The following ODF2L variants were observed in gnomAD, a reference collection of about 807,000 sequenced individuals.
ODF2L encodes the protein protein BCAP.
ODF2L carries 76 observed loss-of-function variants against 86.3 expected under a neutral mutation model. That is an observed-to-expected ratio of 0.88 (90% CI 0.73 to 1.07). ODF2L has a LOEUF of 1.07. Ranked by LOEUF, ODF2L falls within the 50% of genes least tolerant of loss-of-function variation. The pLI is 0.00. For synonymous variants in ODF2L, 241 were observed against 231.3 expected (o/e 1.04, Z -0.38); for missense variants, 748 against 717.4 (o/e 1.04, Z -0.49).
chr1:86,373,679 C>T (rs1210617757), intron 8 of ODF2L, among the ~76,000 whole-genome samples: 1 of 151,896 alleles, frequency 6.6e-6, no homozygotes, highest in Non-Finnish European at 1.5e-5. Context: ...AGGAGAAAGC[C>T]CCTGTGATAT....
chr1:86,390,463 A>G (rs1446388593), intron 1 of ODF2L, among the ~76,000 whole-genome samples: 1 of 152,214 alleles, frequency 6.6e-6, no homozygotes, highest in Non-Finnish European at 1.5e-5. Context: ...ACCGAATTCA[A>G]CATCAAAAAG....
chr1:86,382,880 G>C lies in ODF2L; in HGVS notation c.507+51C>G, dbSNP rs771175967. The C allele has an allele frequency of 3.6e-6, 3 of 841,198 alleles. No individual in the cohort carries two copies. In the South Asian group the frequency reaches 4.4e-5, roughly 12 times the overall value. 52.1% of individuals were successfully genotyped at this position (841,198 alleles called of 1,614,324 possible). A position where few individuals can be genotyped will look rare whatever the true frequency, so the allele number is the denominator to read the frequency against. On this transcript the variant is annotated intron_variant, in intron 6 of 17. Transcript: ENST00000317336. ...TGGGGCCAGGATGGGAAAAAAAAGG[G>C]AGTCAATATTAATATAATGAATTAA... is the stretch of plus-strand genomic sequence containing the variant.
chr1:86,391,326 T>C (rs1367401057), intron 1 of ODF2L, among the ~76,000 whole-genome samples: 7 of 152,148 alleles, frequency 4.6e-5, no homozygotes, highest in Admixed American at 4.6e-4. Flanking sequence ...TTCACAGAAC[T>C]AGAAAAAACA....
At chr1:86,347,019 C>T (rs577678869), downstream of ODF2L, 28 of 152,242 alleles carry the variant, frequency 1.8e-4, no homozygotes, top group Admixed American at 1.8e-3. Context: ...TATATTATCA[C>T]AATTATTAAC....
rs148698930 is a variant in ODF2L at position 86,385,238 on chromosome 1, A to G, written c.246+220T>C. Among the ~76,000 whole-genome samples the G allele has an allele frequency of 1.7e-3, 255 of 152,118 alleles. 1 individual carries two copies. Among genetic ancestry groups the G allele is most frequent in the African/African-American group, 5.7e-3 (237 of 41,554 alleles). ...CGGGTAATTCAAACATCCAAAATAT[A>G]TTGTTTCTAGCTTAGCCTCTTATCA... On this transcript the variant is annotated intron_variant, in intron 3 of 17. Coordinates refer to ENST00000317336, the Ensembl canonical transcript of ODF2L.
chr1:86,373,884 A>G (rs1164879111), intron 8 of ODF2L, among the ~76,000 whole-genome samples: 1 of 152,124 alleles, frequency 6.6e-6, no homozygotes, highest in East Asian at 1.9e-4. Context: ...TGAGGTAGGG[A>G]TTTTTATCTG....
chr1:86,354,049 G>A (rs1355441810), intron 16 of ODF2L, among the ~76,000 whole-genome samples: 1 of 152,214 alleles, frequency 6.6e-6, no homozygotes, highest in African/African-American at 2.4e-5. Context: ...CTAAGGCCAG[G>A]TCTTATTCAT....
chr1:86,374,960 A>C (rs536479912), intron 8 of ODF2L: 8 of 152,214 alleles, frequency 5.3e-5, no homozygotes, highest in Non-Finnish European at 1.2e-4. Flanking sequence ...GCCTTCTGAG[A>C]CTTATACTCA....
chr1:86,388,955 A>G (rs1380319826), intron 1 of ODF2L, among the ~76,000 whole-genome samples: 1 of 152,136 alleles, frequency 6.6e-6, no homozygotes, highest in Non-Finnish European at 1.5e-5. Context: ...GAAGAGAACT[A>G]TTTGTCTCAG....
chr1:86,378,893 A>C (rs189642804), intron 7 of ODF2L, among the ~76,000 whole-genome samples: 2 of 151,630 alleles, frequency 1.3e-5, no homozygotes, highest in African/African-American at 4.8e-5. Flanking sequence ...TTCATGTCAA[A>C]CTGTAACCCC....
intron 2 of ODF2L, chr1:86,385,848 A>C (rs1570431836): frequency 4.2e-6 from 1 of 236,588 alleles, no homozygotes; most frequent in East Asian, 9.5e-5. Context: ...CATTTTCAAT[A>C]TTTATAAATA....
chr1:86,384,963 G>A (rs955194047), intron 3 of ODF2L, among the ~76,000 whole-genome samples, 162 bp from the exon 4 acceptor site: 8 of 151,788 alleles, frequency 5.3e-5, no homozygotes, highest in Admixed American at 3.3e-4. Flanking sequence ...AATTGGATCT[G>A]TTATACAGTA....
chr1:86,370,760 G>A (rs1299469448), intron 10 of ODF2L, among the ~76,000 whole-genome samples: 5 of 152,108 alleles, frequency 3.3e-5, no homozygotes, highest in Non-Finnish European at 7.4e-5. Context: ...ATAATCTTAT[G>A]TACTAAAGTT....
intron 7 of ODF2L, among the ~76,000 whole-genome samples, chr1:86,380,982 A>C (rs1348182602): frequency 1.3e-5 from 2 of 150,926 alleles, no homozygotes; most frequent in East Asian, 1.9e-4. Context: ...AAAACGAAAC[A>C]AAAAAAAACC....
chr1:86,367,018 C>A (rs1659488451), intron 11 of ODF2L, among the ~76,000 whole-genome samples: 1 of 151,928 alleles, frequency 6.6e-6, no homozygotes, highest in Non-Finnish European at 1.5e-5. Flanking sequence ...CTGGAAGACA[C>A]AACTAGATGT....
chr1:86,368,261 C>A (rs1659576571), intron 11 of ODF2L, among the ~76,000 whole-genome samples: 1 of 152,108 alleles, frequency 6.6e-6, no homozygotes, highest in African/African-American at 2.4e-5. Context: ...AAACTACCTT[C>A]ACTTATTTTT....
In ODF2L at chr1:86,384,790, AG is replaced by A; in HGVS notation, c.257del (p.Ser86LeufsTer3). ...GTTCAGAAATCTTCAAATTCAATGC[AG>A]AAAGATTCGCCTGACAAATTATAAG... On this transcript the variant is annotated frameshift_variant, in exon 4 of 18. Coordinates refer to ENST00000317336, the Ensembl canonical transcript of ODF2L. LOFTEE classifies it high-confidence loss of function. The A allele has an allele frequency of 6.6e-7, 1 of 1,513,332 alleles. No homozygotes were observed. The highest frequency in any genetic ancestry group is 8.8e-7 in the Non-Finnish European group (1 of 1,136,122). 93.7% of individuals were successfully genotyped at this position (1,513,332 alleles called of 1,614,324 possible).
intron 11 of ODF2L, among the ~76,000 whole-genome samples, chr1:86,363,965 CA>C (rs1374501330): frequency 1.3e-5 from 2 of 151,162 alleles, no homozygotes; most frequent in African/African-American, 2.4e-5. Context: ...ATCTAGGCTG[CA>C]AAAAAAACTG....
intron 9 of ODF2L, 97 bp downstream of exon 9, chr1:86,372,334 T>C (rs1030501052): frequency 2.3e-5 from 12 of 532,934 alleles, no homozygotes; most frequent in African/African-American, 1.2e-4. Flanking sequence ...CTTTACCATA[T>C]GTAATCTAAA....
Sources: gnomAD v4.1 joint callset for allele counts (sites outside exome capture counted in the v4.1 genomes callset) on GRCh38, gnomAD v4.1.1 for gene constraint, MANE v1.5 for transcripts, NCBI Gene and HGNC (gene_info 2026-07-23, HGNC 2026-07-21) for gene names.